FHIT: variants seen among roughly 807,000 people sequenced by gnomAD.
FHIT encodes fragile histidine triad diadenosine triphosphatase.
A neutral mutation model predicts 17.9 loss-of-function variants in FHIT; 19 were observed. The observed-to-expected ratio is 1.06, with a 90% CI of 0.74 to 1.56. The LOEUF (loss-of-function observed/expected upper bound fraction) is 1.56. Ranked by LOEUF, FHIT falls within the 40% of genes most tolerant of loss-of-function variation. FHIT has a pLI of 0.00. For missense variants in FHIT, 248 were observed against 189.2 expected (o/e 1.31, Z -1.82); for synonymous variants, 81 against 69.7 (o/e 1.16, Z -0.81).
intron 5 of FHIT, among the ~76,000 whole-genome samples, chr3:60,485,013 A>T (rs931026897): frequency 6.6e-6 from 1 of 152,222 alleles, no homozygotes; most frequent in Non-Finnish European, 1.5e-5. Context: ...GACATTTCTT[A>T]AAAGGAGACA....
intron 4 of FHIT, among the ~76,000 whole-genome samples, chr3:60,641,180 CA>C (rs1411595159): frequency 2.7e-5 from 4 of 150,544 alleles, no homozygotes; most frequent in Non-Finnish European, 5.9e-5. Flanking sequence ...AACTCTGTCT[CA>C]AAAAAAAGAA....
chr3:60,638,687 A>C (rs2039651035), intron 4 of FHIT, among the ~76,000 whole-genome samples: 1 of 152,134 alleles, frequency 6.6e-6, no homozygotes, highest in Non-Finnish European at 1.5e-5. Context: ...CCTATGATAT[A>C]TTAATGTTAC....
intron 5 of FHIT, among the ~76,000 whole-genome samples, chr3:60,213,993 C>A (rs114710776): frequency 6.6e-6 from 1 of 151,980 alleles, no homozygotes; most frequent in Non-Finnish European, 1.5e-5. Flanking sequence ...ATCCTGCAAC[C>A]GTGGTGTGTG....
chr3:60,901,230 T>C (rs1288740096), intron 3 of FHIT, among the ~76,000 whole-genome samples: 2 of 152,236 alleles, frequency 1.3e-5, no homozygotes, highest in Non-Finnish European at 2.9e-5. Flanking sequence ...TTGTTCATCA[T>C]GGATTTTTCT....
At chr3:60,820,363 T>C (rs1701883770) in intron 4 of FHIT, among the ~76,000 whole-genome samples, 2 of 152,018 alleles carry the variant, frequency 1.3e-5, no homozygotes, top group African/African-American at 4.8e-5. Context: ...AACAAAAGGA[T>C]CAAATAATTA....
intron 4 of FHIT, among the ~76,000 whole-genome samples, chr3:60,574,183 A>G (rs1325132502): frequency 6.6e-6 from 1 of 152,088 alleles, no homozygotes. Context: ...TGGGAGCTAC[A>G]AAGAGCCAGG....
chr3:60,162,735 A>G (rs1700994831), intron 5 of FHIT, among the ~76,000 whole-genome samples: 1 of 152,212 alleles, frequency 6.6e-6, no homozygotes, highest in African/African-American at 2.4e-5. Context: ...GACTGATTTC[A>G]GAGCCAACAT....
At chr3:60,206,932 T>C (rs1703220365) in intron 5 of FHIT, among the ~76,000 whole-genome samples, 1 of 152,168 alleles carries the variant, frequency 6.6e-6, no homozygotes, top group African/African-American at 2.4e-5. Flanking sequence ...TGGAAACCCT[T>C]ACCTCGGTAA....
At chr3:60,689,729 C>G (rs1181485858) in intron 4 of FHIT, among the ~76,000 whole-genome samples, 1 of 152,128 alleles carries the variant, frequency 6.6e-6, no homozygotes, top group Non-Finnish European at 1.5e-5. Context: ...ATATTTGAGT[C>G]TACCCCTAGA....
chr3:60,767,181 G>C (rs13098545), intron 4 of FHIT, among the ~76,000 whole-genome samples: 59,498 of 152,002 alleles, frequency 0.39, 11,960 homozygotes, highest in Non-Finnish European at 0.42. Context: ...AAGAAATAAT[G>C]ATAGCATTTT....
At chr3:60,389,481 A>G (rs577930119) in intron 5 of FHIT, among the ~76,000 whole-genome samples, 30 of 152,078 alleles carry the variant, frequency 2.0e-4, no homozygotes, top group Non-Finnish European at 4.3e-4. Flanking sequence ...CTGCTTATAC[A>G]CTCCAAATTA....
intron 5 of FHIT, among the ~76,000 whole-genome samples, chr3:60,337,163 T>A (rs1710284738): frequency 6.6e-6 from 1 of 152,184 alleles, no homozygotes; most frequent in African/African-American, 2.4e-5. Context: ...TTCCTTAATG[T>A]GATAAATTAT....
At chr3:60,813,620 C>A (rs1445274566) in intron 4 of FHIT, among the ~76,000 whole-genome samples, 2 of 152,140 alleles carry the variant, frequency 1.3e-5, no homozygotes, top group African/African-American at 4.8e-5. Flanking sequence ...TCTCCAATTA[C>A]ATTTTTTCAC....
At position 60,708,611 on chromosome 3, in the gene FHIT, T is replaced by C. The variant is rs565620196; in HGVS notation, c.-18+113308A>G. 4.6e-5 allele frequency among the ~76,000 whole-genome samples: 7 copies of C among 152,318 alleles called. No homozygotes were observed. In the South Asian group the frequency reaches 1.0e-3, roughly 23 times the overall value. On this transcript the variant is annotated intron_variant, in intron 4 of 9. Transcript: ENST00000492590. ...CTGGTGGCTTGAGTAGAGAAGTTAC[T>C]GGCTGGAGGCTGTTCTAAAGGAAAA...
intron 5 of FHIT, among the ~76,000 whole-genome samples, chr3:60,322,385 G>T (rs968705341): frequency 1.8e-4 from 27 of 152,200 alleles, no homozygotes; most frequent in African/African-American, 6.3e-4. Flanking sequence ...GGAAAGACTT[G>T]TTATTATACC....
intron 3 of FHIT, among the ~76,000 whole-genome samples, chr3:60,949,832 C>T (rs549172472): frequency 5.9e-5 from 9 of 152,130 alleles, no homozygotes; most frequent in Non-Finnish European, 1.2e-4. Context: ...AAGCTATCTA[C>T]AGGGATGTTC....
intron 2 of FHIT, among the ~76,000 whole-genome samples, chr3:61,067,589 C>A (rs1244630291): frequency 6.6e-6 from 1 of 152,102 alleles, no homozygotes; most frequent in African/African-American, 2.4e-5. Context: ...GTCTCCAGTC[C>A]CCCCAGAGGT....
At chr3:60,394,995 C>A (rs1184671337) in intron 5 of FHIT, among the ~76,000 whole-genome samples, 3 of 152,170 alleles carry the variant, frequency 2.0e-5, no homozygotes, top group African/African-American at 7.2e-5. Flanking sequence ...CTGCATGAAT[C>A]TGAAGCTAGA....
chr3:60,076,741 T>A (rs1352117948), intron 5 of FHIT, among the ~76,000 whole-genome samples: 1 of 151,876 alleles, frequency 6.6e-6, no homozygotes, highest in Non-Finnish European at 1.5e-5. Flanking sequence ...AAATTAATTT[T>A]GAAGAGAAAA....
Sources: gnomAD v4.1 joint callset for allele counts (sites outside exome capture counted in the v4.1 genomes callset) on GRCh38, gnomAD v4.1.1 for gene constraint, MANE v1.5 for transcripts, NCBI Gene and HGNC (gene_info 2026-07-23, HGNC 2026-07-21) for gene names.